The following PARP4 variants were observed in gnomAD, a reference collection of about 807,000 sequenced individuals.
PARP4 encodes poly(ADP-ribose) polymerase family member 4, also known as protein mono-ADP-ribosyltransferase PARP4.
PARP4 carries 120 observed loss-of-function variants against 187.7 expected under a neutral mutation model. The observed-to-expected ratio is 0.64, with a 90% CI of 0.55 to 0.74. PARP4 has a LOEUF of 0.74. PARP4 is among the 30% of genes least tolerant of loss of function. The probability of loss-of-function intolerance (pLI) is 0.00; values close to 1 mark genes in which losing one functional copy is unlikely to be tolerated. For synonymous variants in PARP4, 654 were observed against 740.9 expected, an observed-to-expected ratio of 0.88 and a Z score of 1.90; for missense variants, 1,836 against 2,070.5, an observed-to-expected ratio of 0.89 and a Z score of 2.20.
At chr13:24,460,397 T>C (rs1372124952) in intron 17 of PARP4, among the ~76,000 whole-genome samples, 1 of 151,044 alleles carries the variant, frequency 6.6e-6, no homozygotes, top group Non-Finnish European at 1.5e-5. Context: ...GAGGCACTCA[T>C]GGACTCTGCC....
At chr13:24,449,280 T>C (rs761419306) in intron 25 of PARP4, among the ~76,000 whole-genome samples, 3 of 148,768 alleles carry the variant, frequency 2.0e-5, no homozygotes. Flanking sequence ...ACCAGCTAGT[T>C]GGGAGGCTGA....
chr13:24,508,823 A>AT (rs1174886480), intron 1 of PARP4, among the ~76,000 whole-genome samples: 8 of 152,066 alleles, frequency 5.3e-5, no homozygotes, highest in Admixed American at 2.0e-4. Context: ...CACAGACTGT[A>AT]TTTTTTATCA....
intron 11 of PARP4, among the ~76,000 whole-genome samples, chr13:24,485,866 T>C (rs1300810376): frequency 7.2e-5 from 11 of 152,184 alleles, no homozygotes; most frequent in African/African-American, 2.2e-4. Flanking sequence ...TTTTTCAAAA[T>C]AGAGATAAGG....
chr13:24,507,840 C>T (rs1228904902), intron 1 of PARP4, among the ~76,000 whole-genome samples: 1 of 152,214 alleles, frequency 6.6e-6, no homozygotes, highest in African/African-American at 2.4e-5. Flanking sequence ...TCCTCCAAGT[C>T]TTGACACATG....
chr13:24,422,847 T>A (rs545440251), intron 33 of PARP4, among the ~76,000 whole-genome samples: 29 of 152,252 alleles, frequency 1.9e-4, no homozygotes, highest in African/African-American at 5.8e-4. Flanking sequence ...AACCTTGTGA[T>A]CTGTCCGCCT....
At chr13:24,439,437 T>C (rs1468796564) in intron 30 of PARP4, among the ~76,000 whole-genome samples, 1 of 152,154 alleles carries the variant, frequency 6.6e-6, no homozygotes, top group African/African-American at 2.4e-5. Flanking sequence ...CCATACAGAA[T>C]GTCTTATCTG....
Position 24,475,602 on chromosome 13 carries a change from C to G in PARP4, c.1790-6G>C, listed in dbSNP as rs544699127. 1.2e-5 allele frequency: 19 copies of G among 1,613,668 alleles called. No homozygotes were observed. The East Asian group carries it at 4.2e-4, about 36-fold the overall frequency. Reference sequence around the variant, plus strand: ...GGCATCTGGTAACTGGTAATCTAAACGTTAAAAATGTTACTATTAGCTTTC... The same window carrying G: ...GGCATCTGGTAACTGGTAATCTAAAGGTTAAAAATGTTACTATTAGCTTTC... On this transcript the variant is annotated splice_region_variant and splice_polypyrimidine_tract_variant and intron_variant, in intron 14 of 33. Coordinates refer to ENST00000381989, the MANE Select transcript of PARP4 (RefSeq NM_006437.4).
chr13:24,510,148 A>G (rs1869919744), intron 1 of PARP4, among the ~76,000 whole-genome samples: 1 of 152,168 alleles, frequency 6.6e-6, no homozygotes, highest in Non-Finnish European at 1.5e-5. Flanking sequence ...TTTAGCTTTT[A>G]GTGATATCCT....
chr13:24,497,838 A>G lies in PARP4; in HGVS notation c.591+278T>C, dbSNP rs150829510. 4.4e-3 allele frequency among the ~76,000 whole-genome samples: 673 copies of G among 152,366 alleles called. 3 individuals are homozygous for G. Among genetic ancestry groups the G allele is most frequent in the Non-Finnish European group, 8.3e-3 (564 of 68,034 alleles). ...CACAGATGCCCACAGGTGGAAGACC[A>G]TGTGAGGACACAGCAAGAAGGCAGC... On this transcript the variant is annotated intron_variant, in intron 6 of 33. Transcript: ENST00000381989.
intron 31 of PARP4, among the ~76,000 whole-genome samples, chr13:24,431,881 T>C (rs1347411647): frequency 6.6e-6 from 1 of 152,182 alleles, no homozygotes; most frequent in Non-Finnish European, 1.5e-5. Context: ...AAGAGGCTCA[T>C]GGGTAGAGAT....
At chr13:24,484,515 T>G in intron 12 of PARP4, 138 bp downstream of exon 12, 1 of 627,410 alleles carries the variant, frequency 1.6e-6, no homozygotes. Context: ...GAAGATGAAA[T>G]AGTATTCCAG....
At chr13:24,487,951 G>A (rs1314215885) in intron 10 of PARP4, among the ~76,000 whole-genome samples, 1 of 152,186 alleles carries the variant, frequency 6.6e-6, no homozygotes, top group Non-Finnish European at 1.5e-5. Flanking sequence ...CATATTTTTA[G>A]ATATTTTCTA....
Position 24,453,500 on chromosome 13 carries a change from G to A in PARP4, c.2826+87C>T, listed in dbSNP as rs1003184066. The A allele has an allele frequency of 4.5e-5, 33 of 738,536 alleles. No homozygotes were observed. In the Admixed American group the frequency reaches 7.1e-4, roughly 16 times the overall value. The allele number at this position is 738,536 out of a possible 1,614,324, so 45.7% of individuals were successfully genotyped here. ...ACCACAGGAGTAGGGGTGCTCTGAT[G>A]GTGGCTTGAGTGGCCTAAGCCCTGG... On this transcript the variant is annotated intron_variant, in intron 23 of 33. Transcript: ENST00000381989.
At chr13:24,505,853 C>T (rs1362692008) in intron 1 of PARP4, among the ~76,000 whole-genome samples, 2 of 152,216 alleles carry the variant, frequency 1.3e-5, no homozygotes, top group African/African-American at 2.4e-5. Context: ...TTGAGGATCG[C>T]GGTTCCGGGT....
chr13:24,496,865 AT>A (rs1274379716), intron 6 of PARP4, among the ~76,000 whole-genome samples: 2 of 152,194 alleles, frequency 1.3e-5, no homozygotes, highest in Non-Finnish European at 2.9e-5. Flanking sequence ...TCTACTAAAA[AT>A]ACAAAAATTA....
At chr13:24,453,935 G>A (rs1416529435) in intron 22 of PARP4, among the ~76,000 whole-genome samples, 1 of 152,096 alleles carries the variant, frequency 6.6e-6, no homozygotes, top group Non-Finnish European at 1.5e-5. Flanking sequence ...GGTCAACAGG[G>A]TGAAACCCTG....
At chr13:24,456,802 A>G (rs2137477960) in intron 20 of PARP4, among the ~76,000 whole-genome samples, 1 of 152,280 alleles carries the variant, frequency 6.6e-6, no homozygotes, top group East Asian at 1.9e-4. Flanking sequence ...CAGGAGGCTG[A>G]GGCAGGAGAA....
In PARP4 at chr13:24,434,394, C is replaced by T. The variant is rs770449515; in HGVS notation, c.4746+1G>A. ...GATTTAAGGAGAAATAAGACACATACCTCTGTCTGTAGACTGAGGAGTTCT... is the reference window on the plus strand; with the variant it reads ...GATTTAAGGAGAAATAAGACACATATCTCTGTCTGTAGACTGAGGAGTTCT... On this transcript the variant is annotated splice_donor_variant, in intron 31 of 33. Coordinates refer to ENST00000381989, the MANE Select transcript of PARP4 (RefSeq NM_006437.4). LOFTEE classifies it high-confidence loss of function. 6.5e-7 allele frequency: 1 copy of T among 1,535,844 alleles called. No homozygotes were observed. The highest frequency in any genetic ancestry group is 8.8e-7 in the Non-Finnish European group (1 of 1,140,974).
intron 24 of PARP4, among the ~76,000 whole-genome samples, chr13:24,450,868 A>C (rs1871480476): frequency 6.6e-6 from 1 of 151,718 alleles, no homozygotes; most frequent in Non-Finnish European, 1.5e-5. Context: ...CATGCCTTAC[A>C]TTTTTCAATT....
Sources: gnomAD v4.1 joint callset for allele counts (sites outside exome capture counted in the v4.1 genomes callset) on GRCh38, gnomAD v4.1.1 for gene constraint, MANE v1.5 for transcripts, NCBI Gene and HGNC (gene_info 2026-07-23, HGNC 2026-07-21) for gene names.